MCUB: variants seen among roughly 807,000 people sequenced by gnomAD.
The protein encoded by MCUB is calcium uniporter regulatory subunit MCUb, mitochondrial.
A neutral mutation model predicts 41.4 loss-of-function variants in MCUB; 46 were observed. The observed-to-expected ratio is 1.11, with a 90% CI of 0.88 to 1.42. MCUB has a LOEUF of 1.42. MCUB is among the 40% of genes most tolerant of loss of function. The probability of loss-of-function intolerance (pLI) is 0.00; values close to 1 mark genes in which losing one functional copy is unlikely to be tolerated. For synonymous variants in MCUB, 148 were observed against 148.2 expected (o/e 1.00, Z 0.01); for missense variants, 403 against 404.9 (o/e 1.00, Z 0.04).
At chr4:109,607,916 G>A (rs545507199) in intron 1 of MCUB, among the ~76,000 whole-genome samples, 1 of 152,144 alleles carries the variant, frequency 6.6e-6, no homozygotes, top group South Asian at 2.1e-4. Flanking sequence ...TCTTGTATTT[G>A]AATATTGTTA....
Position 109,687,801 on chromosome 4 carries a change from T to G in MCUB, c.*209T>G. 1.8e-6 allele frequency: 1 copy of G among 544,896 alleles called. No individual in the cohort carries two copies. The highest frequency in any genetic ancestry group is 3.2e-6 in the Non-Finnish European group (1 of 311,710). The allele number at this position is 544,896 out of a possible 1,614,324, so 33.8% of individuals were successfully genotyped here. On this transcript the variant is annotated 3_prime_UTR_variant, in exon 8 of 8. Coordinates refer to ENST00000394650, the MANE Select transcript of MCUB (RefSeq NM_017918.5). ...GTTAGAAAGGGCTTGTATGCGTCTA[T>G]CAAAGCAACGGTGGCTGCTGTTAGC...
At chr4:109,632,729 C>T (rs1728501805) in intron 1 of MCUB, among the ~76,000 whole-genome samples, 1 of 150,886 alleles carries the variant, frequency 6.6e-6, no homozygotes, top group Admixed American at 6.6e-5. Flanking sequence ...ATTCTCTTGC[C>T]TCAGCCTCCC....
chr4:109,647,862 C>T (rs903309084), intron 1 of MCUB, among the ~76,000 whole-genome samples: 2 of 152,090 alleles, frequency 1.3e-5, no homozygotes, highest in South Asian at 2.1e-4. Flanking sequence ...TGTGTGTCCG[C>T]ACCTGTTGGG....
At chr4:109,584,274 T>G (rs1727252036) in intron 1 of MCUB, among the ~76,000 whole-genome samples, 2 of 152,214 alleles carry the variant, frequency 1.3e-5, no homozygotes, top group South Asian at 4.1e-4. Flanking sequence ...TAGTTTGTAT[T>G]TCTGTGGGAT....
chr4:109,656,299 G>A (rs964439562), intron 1 of MCUB, among the ~76,000 whole-genome samples: 2 of 150,502 alleles, frequency 1.3e-5, no homozygotes, highest in East Asian at 2.0e-4. Context: ...TACCTCTGGG[G>A]AGACTTCCAG....
chr4:109,663,256 T>C (rs1729265924), intron 3 of MCUB, among the ~76,000 whole-genome samples: 1 of 152,180 alleles, frequency 6.6e-6, no homozygotes, highest in Admixed American at 6.5e-5. Flanking sequence ...GAAGGGAAAA[T>C]GATAGAAAAA....
rs771513878 is a variant in MCUB, at chr4:109,660,317, C to G, written c.298C>G (p.Leu100Val). The change falls in exon 3 of 8, where the codon CTA becomes GTA. Residue 100 changes from leucine (L) to valine (V), a missense_variant. Transcript: ENST00000394650. ...AACAGTTGGTTCATTCCTTCAGGACCTACAAAATGAAGATAAGGGTATCAA... is the reference window on the plus strand; with the variant it reads ...AACAGTTGGTTCATTCCTTCAGGACGTACAAAATGAAGATAAGGGTATCAA... The part of the protein sequence containing the change: ...LSTVGSFLQD[L>V]QNEDKGIKTA... The G allele has an allele frequency of 2.4e-5, 38 of 1,607,794 alleles. No homozygotes were observed. The South Asian group carries it at 4.2e-4, about 18-fold the overall frequency.
intron 1 of MCUB, among the ~76,000 whole-genome samples, chr4:109,601,137 G>A (rs1188367862): frequency 1.3e-5 from 2 of 152,104 alleles, no homozygotes; most frequent in East Asian, 3.9e-4. Context: ...AATTTTTGTG[G>A]GTAAATAGTA....
At chr4:109,659,999 T>A (rs902213224) in intron 2 of MCUB, among the ~76,000 whole-genome samples, 196 bp from the exon 3 acceptor site, 5 of 152,324 alleles carry the variant, frequency 3.3e-5, no homozygotes, top group South Asian at 2.1e-4. Flanking sequence ...TGGTATGTGC[T>A]ACACTAAAAT....
At chr4:109,681,495 G>A in intron 4 of MCUB, 1 of 452,488 alleles carries the variant, frequency 2.2e-6, no homozygotes, top group South Asian at 1.6e-5. Context: ...CCACTTCCAA[G>A]ATGATGGCAA....
At chr4:109,661,504 T>C (rs984526968) in intron 3 of MCUB, among the ~76,000 whole-genome samples, 1 of 152,186 alleles carries the variant, frequency 6.6e-6, no homozygotes, top group Non-Finnish European at 1.5e-5. Flanking sequence ...TGTCAGGCAC[T>C]GTTCTATACG....
Position 109,610,317 on chromosome 4 carries a change from T to G in MCUB, c.100-48694T>G, listed in dbSNP as rs137907894. Among the ~76,000 whole-genome samples, 6 of 152,344 alleles carry G rather than the reference T, an allele frequency of 3.9e-5. 1 individual carries two copies. The East Asian group carries it at 1.2e-3, about 29-fold the overall frequency. On this transcript the variant is annotated intron_variant, in intron 1 of 7. Coordinates refer to ENST00000394650, the MANE Select transcript of MCUB (RefSeq NM_017918.5). ...TTTTGGTTCTTATAAAGGTGTCTTT[T>G]TTGTGTAGATGCTAAATTTGGTGTT...
chr4:109,674,272 T>C, intron 4 of MCUB: 1 of 643,104 alleles, frequency 1.6e-6, no homozygotes, highest in Non-Finnish European at 2.8e-6. Context: ...CTTGCAGGCT[T>C]GATTTGCCTG....
intron 1 of MCUB, among the ~76,000 whole-genome samples, chr4:109,627,008 A>G (rs1444794889): frequency 6.6e-6 from 1 of 152,208 alleles, no homozygotes; most frequent in African/African-American, 2.4e-5. Flanking sequence ...GGTAAATAGA[A>G]CAAAGAAGGA....
intron 1 of MCUB, among the ~76,000 whole-genome samples, chr4:109,618,321 G>T (rs1411027817): frequency 2.0e-5 from 3 of 152,216 alleles, no homozygotes; most frequent in Non-Finnish European, 4.4e-5. Context: ...ATGGACAATT[G>T]TGAGTGATAT....
At chr4:109,684,351 C>G in intron 5 of MCUB, 92 bp from the exon 6 acceptor site, 4 of 1,026,554 alleles carry the variant, frequency 3.9e-6, no homozygotes, top group Non-Finnish European at 5.6e-6. Context: ...CGTGAGCCAC[C>G]GCGCCCGGCA....
rs115470652 is a variant in MCUB, at chr4:109,662,912, G to T, written c.347-1378G>T. Among the ~76,000 whole-genome samples, 1,519 of 152,004 alleles carry T rather than the reference G, an allele frequency of 1.0e-2. 20 individuals are homozygous for T. Among genetic ancestry groups the T allele is most frequent in the Non-Finnish European group, 0.018 (1,214 of 67,978 alleles). ...AGTGTTCTAAGCTTGTCACAGTTTT[G>T]CCCATTGTGTGGGTTGAATTATTTG... On this transcript the variant is annotated intron_variant, in intron 3 of 7. Transcript: ENST00000394650.
chr4:109,643,469 G>A lies in MCUB; in HGVS notation c.100-15542G>A, dbSNP rs149440165. Among the ~76,000 whole-genome samples the A allele has an allele frequency of 2.6e-5, 4 of 151,856 alleles. No homozygotes were observed. In the East Asian group the frequency reaches 7.8e-4, roughly 29 times the overall value. On this transcript the variant is annotated intron_variant, in intron 1 of 7. Transcript: ENST00000394650. ...CAAAGTGCTGGGATTACAGGGATAA[G>A]CCACCATGCCTGGCCTTATTTTACT...
chr4:109,595,675 A>T (rs1319230138), intron 1 of MCUB, among the ~76,000 whole-genome samples: 3 of 152,294 alleles, frequency 2.0e-5, no homozygotes, highest in Admixed American at 6.5e-5. Flanking sequence ...AGAGATTTCC[A>T]TCATCACAGA....
Sources: allele counts gnomAD v4.1 joint callset (sites outside exome capture counted in the v4.1 genomes callset), GRCh38; gene constraint gnomAD v4.1.1; transcripts MANE v1.5; gene names NCBI Gene and HGNC (gene_info 2026-07-23, HGNC 2026-07-21).